The following BAZ2B variants were observed in gnomAD, a reference collection of about 807,000 sequenced individuals.
The protein encoded by BAZ2B is bromodomain adjacent to zinc finger domain 2B.
Under a neutral mutation model 246.0 loss-of-function variants are expected in BAZ2B, and 91 were observed. The observed-to-expected ratio is 0.37, with a 90% confidence interval of 0.31 to 0.44. BAZ2B has a LOEUF of 0.44. BAZ2B is among the 20% of genes least tolerant of loss of function. The pLI is 1.00. For missense variants in BAZ2B, 2,332 were observed against 2,533.7 expected (o/e 0.92, Z 1.71); for synonymous variants, 855 against 860.0 (o/e 0.99, Z 0.10).
At chr2:159,545,749 A>G (rs982973738) in intron 2 of BAZ2B, among the ~76,000 whole-genome samples, 2 of 152,200 alleles carry the variant, frequency 1.3e-5, no homozygotes, top group African/African-American at 4.8e-5. Context: ...TAATAGGTAA[A>G]ACAACTGAAC....
intron 1 of BAZ2B, among the ~76,000 whole-genome samples, chr2:159,580,891 C>T (rs1686599171): frequency 1.3e-5 from 2 of 152,104 alleles, no homozygotes; most frequent in African/African-American, 2.4e-5. Flanking sequence ...TGGATCCCTT[C>T]CTCACACCTT....
At chr2:159,397,743 C>T (rs776256069) in intron 18 of BAZ2B, among the ~76,000 whole-genome samples, 1 of 152,190 alleles carries the variant, frequency 6.6e-6, no homozygotes, top group Non-Finnish European at 1.5e-5. Context: ...ATAACCCACA[C>T]ATGTATTTTT....
At chr2:159,702,786 A>C in the BAZ2B span, among the ~76,000 whole-genome samples, 1 of 152,298 alleles carries the variant, frequency 6.6e-6, no homozygotes, top group East Asian at 1.9e-4. Context: ...CACACCTGCA[A>C]TCCCAGCACT....
At chr2:159,429,061 C>T (rs995419169) in intron 11 of BAZ2B, 139 bp downstream of exon 11, 3 of 524,244 alleles carry the variant, frequency 5.7e-6, no homozygotes, top group South Asian at 7.7e-5. Flanking sequence ...TTGCCCTTTG[C>T]TCCGGCTCTT....
chr2:159,337,117 C>T (rs770717562), intron 32 of BAZ2B, 40 bp from the exon 33 acceptor site: 6 of 1,573,926 alleles, frequency 3.8e-6, no homozygotes, highest in Non-Finnish European at 5.2e-6. Flanking sequence ...GTCATGTCCA[C>T]ACTTACGATT....
At chr2:159,496,974 C>T (rs1209969619) in intron 2 of BAZ2B, among the ~76,000 whole-genome samples, 1 of 151,916 alleles carries the variant, frequency 6.6e-6, no homozygotes, top group African/African-American at 2.4e-5. Context: ...CTACAAATCT[C>T]TATGCTGGTT....
At position 159,438,657 on chromosome 2, in the gene BAZ2B, T is replaced by C. The variant is rs750818735; in HGVS notation, c.939A>G (p.Gly313=). 1.2e-6 allele frequency: 2 copies of C among 1,611,972 alleles called. No homozygotes were observed. Among genetic ancestry groups the C allele is most frequent in the Non-Finnish European group, 1.7e-6 (2 of 1,179,574 alleles). Residue 313 remains glycine (G), a synonymous_variant, in exon 8 of 37, where the codon GGA becomes GGG. Transcript: ENST00000392783. ...CCTGGGCTTTTTCAGTTGCTTTCTG[T>C]CCATCTGCTTTTGGGTCTGAAATAC... ...LHGISDPKAD[G]QKATEKAQEK...
the BAZ2B span, among the ~76,000 whole-genome samples, chr2:159,640,240 CA>C: frequency 6.6e-6 from 1 of 152,038 alleles, no homozygotes; most frequent in African/African-American, 2.4e-5. Context: ...AGATAGATTC[CA>C]ATACGATAAT....
chr2:159,587,282 G>A (rs1036414325), intron 1 of BAZ2B, among the ~76,000 whole-genome samples: 22 of 151,940 alleles, frequency 1.4e-4, no homozygotes, highest in African/African-American at 4.6e-4. Context: ...GGGTTTCACC[G>A]TGTTAGCCAG....
chr2:159,562,844 T>C (rs560250776), intron 1 of BAZ2B, among the ~76,000 whole-genome samples: 17 of 152,206 alleles, frequency 1.1e-4, no homozygotes, highest in African/African-American at 3.8e-4. Context: ...AAATGCCAAA[T>C]TGACAGATAA....
the BAZ2B span, among the ~76,000 whole-genome samples, chr2:159,711,396 A>T: frequency 6.6e-6 from 1 of 152,208 alleles, no homozygotes; most frequent in Non-Finnish European, 1.5e-5. Flanking sequence ...TCATAGTGAA[A>T]CATGTACAGT....
the BAZ2B span, among the ~76,000 whole-genome samples, chr2:159,650,336 T>TA: frequency 1.3e-5 from 2 of 152,128 alleles, no homozygotes; most frequent in East Asian, 3.9e-4. Flanking sequence ...GGGTTGCAGT[T>TA]AAATTGGAAA....
At chr2:159,426,201 G>C (rs1216392527) in intron 13 of BAZ2B, among the ~76,000 whole-genome samples, 3 of 152,146 alleles carry the variant, frequency 2.0e-5, no homozygotes, top group Non-Finnish European at 2.9e-5. Context: ...AATAAAAAGT[G>C]AATGCATGTC....
chr2:159,527,025 T>G lies in BAZ2B; in HGVS notation c.-3+28798A>C, dbSNP rs548685987. ...ATTTTACATTCCCACTGGTAATGTA[T>G]GAGAGTCTGATTTCTTCATATCTTT... On this transcript the variant is annotated intron_variant, in intron 2 of 36. Transcript: ENST00000392783. Among the ~76,000 whole-genome samples the G allele has an allele frequency of 1.0e-3, 157 of 152,136 alleles. 1 individual carries two copies. Among genetic ancestry groups the G allele is most frequent in the South Asian group, 3.9e-3 (19 of 4,826 alleles).
intron 23 of BAZ2B, 34 bp downstream of exon 23, chr2:159,385,121 G>A (rs2062476867): frequency 6.4e-7 from 1 of 1,559,916 alleles, no homozygotes; most frequent in Non-Finnish European, 8.8e-7. Flanking sequence ...ATTCAAAATG[G>A]AAAAATCACG....
chr2:159,522,649 G>A (rs17495695), intron 2 of BAZ2B, among the ~76,000 whole-genome samples: 40,527 of 152,092 alleles, frequency 0.27, 6,807 homozygotes, highest in Non-Finnish European at 0.37. Flanking sequence ...TGTCACTGAC[G>A]TCTAATAATT....
intron 2 of BAZ2B, among the ~76,000 whole-genome samples, chr2:159,545,050 T>C (rs1279321562): frequency 6.6e-6 from 1 of 152,222 alleles, no homozygotes; most frequent in East Asian, 1.9e-4. Flanking sequence ...ATGTACTTGC[T>C]ATATTATTCG....
intron 2 of BAZ2B, chr2:159,555,397 G>A (rs2088975895): frequency 6.6e-6 from 1 of 151,866 alleles, no homozygotes; most frequent in South Asian, 2.1e-4. Context: ...AGCCTACCAA[G>A]GCTACATTTT....
chr2:159,448,363 T>C lies in BAZ2B; in HGVS notation c.381A>G (p.Ala127=), dbSNP rs779420814. 2.5e-6 allele frequency: 4 copies of C among 1,612,582 alleles called. No individual in the cohort carries two copies. The South Asian group carries it at 3.3e-5, about 13-fold the overall frequency. Residue 127 remains alanine, a synonymous_variant, in exon 5 of 37, where the codon GCA becomes GCG. Transcript: ENST00000392783. ...RTTDAHTRTG[A]TFFPPLLGIP... ...TTCCCAGTAATGGTGGAAAGAAGGT[T>C]GCTCCTGTACGAGTATGAGCATCAG...
Sources: allele counts gnomAD v4.1 joint callset (sites outside exome capture counted in the v4.1 genomes callset), GRCh38; gene constraint gnomAD v4.1.1; transcripts MANE v1.5; gene names NCBI Gene and HGNC (gene_info 2026-07-23, HGNC 2026-07-21).